Variants in DOCK11 observed in about 807,000 individuals in gnomAD.
DOCK11 encodes dedicator of cytokinesis protein 11.
Under a neutral mutation model 169.1 loss-of-function variants are expected in DOCK11, and 70 were observed. The observed-to-expected ratio is 0.41, with a 90% CI of 0.34 to 0.51. The LOEUF is 0.51. Among genes scored for constraint, DOCK11 ranks in the 20% least tolerant of loss-of-function variants. The probability of loss-of-function intolerance (pLI) is 0.10; values close to 1 mark genes in which losing one functional copy is unlikely to be tolerated. For synonymous variants in DOCK11, 529 were observed against 541.3 expected (o/e 0.98, Z 0.32); for missense variants, 1,166 against 1,538.8 (o/e 0.76, Z 4.05).
At chrX:118,561,639 C>A in intron 7 of DOCK11, 122 bp downstream of exon 7, 1 of 711,587 alleles carries the variant, frequency 1.4e-6, no homozygotes, top group East Asian at 3.8e-5. Flanking sequence ...GAGGCTGAGG[C>A]AGGAGGATCG....
At chrX:118,507,056 TTAA>T (rs1245216626) in intron 1 of DOCK11, among the ~76,000 whole-genome samples, 24 of 112,875 alleles carry the variant, frequency 2.1e-4, no homozygotes, top group Non-Finnish European at 1.7e-4. Context: ...AAATTTGCTA[TTAA>T]TGATTTCCTG....
At chrX:118,518,858 A>C (rs2057705430) in intron 1 of DOCK11, among the ~76,000 whole-genome samples, 1 of 111,797 alleles carries the variant, frequency 8.9e-6, no homozygotes, top group African/African-American at 3.3e-5. Flanking sequence ...GGGGAGGCTG[A>C]GCCTGTGTTG....
intron 1 of DOCK11, among the ~76,000 whole-genome samples, chrX:118,508,171 G>A (rs56787218): frequency 5.2e-4 from 58 of 111,073 alleles, no homozygotes; most frequent in African/African-American, 1.7e-3. Context: ...TTTGCAATTG[G>A]CCATCCCTCC....
intron 1 of DOCK11, among the ~76,000 whole-genome samples, chrX:118,504,590 A>T (rs758976103): frequency 8.9e-6 from 1 of 112,220 alleles, no homozygotes; most frequent in Non-Finnish European, 1.9e-5. Flanking sequence ...TTTATCATGG[A>T]AGGGGAGGCC....
intron 4 of DOCK11, among the ~76,000 whole-genome samples, chrX:118,544,526 C>A (rs2012164239): frequency 9.2e-6 from 1 of 108,689 alleles, no homozygotes; most frequent in Non-Finnish European, 1.9e-5. Context: ...AAAACTGAGT[C>A]CTATATGACA....
chrX:118,642,380 C>T (rs1046403559), intron 39 of DOCK11, among the ~76,000 whole-genome samples: 2 of 111,880 alleles, frequency 1.8e-5, no homozygotes, highest in African/African-American at 3.2e-5. Context: ...AATTGGATTG[C>T]GGTGGTCACC....
chrX:118,641,638 A>G, intron 39 of DOCK11, among the ~76,000 whole-genome samples: 1 of 111,592 alleles, frequency 9.0e-6, no homozygotes, highest in Middle Eastern at 4.7e-3. Flanking sequence ...TTGCCCAAAT[A>G]CCCATTGTGA....
chrX:118,600,400 C>CT (rs1185842874), intron 23 of DOCK11, among the ~76,000 whole-genome samples: 142 of 78,241 alleles, frequency 1.8e-3, no homozygotes, highest in South Asian at 6.2e-3. Context: ...GGTTTGTTTT[C>CT]TTTTTTTTTA....
chrX:118,621,145 C>T (rs1777954687), intron 31 of DOCK11, among the ~76,000 whole-genome samples: 1 of 112,669 alleles, frequency 8.9e-6, no homozygotes, highest in Non-Finnish European at 1.9e-5. Context: ...ATTACTCTTT[C>T]AATGACTTCT....
In DOCK11 at chrX:118,661,209, C is replaced by CA. The variant is rs752353678; in HGVS notation, c.4970-1460dup. ...AGGTGACGGGGTAACACTCTGTCTC[C>CA]AAAAAAAAAAAAAAAAAGTATTTCA... On this transcript the variant is annotated intron_variant, in intron 44 of 52. Transcript: ENST00000276202. 3.2e-3 allele frequency among the ~76,000 whole-genome samples: 220 copies of CA among 68,491 alleles called. 2 individuals are homozygous for CA. The highest frequency in any genetic ancestry group is 5.1e-3 in the Admixed American group (30 of 5,874). The allele number at this position is 68,491 out of a possible 115,157, so 59.5% of individuals were successfully genotyped here.
intron 40 of DOCK11, among the ~76,000 whole-genome samples, chrX:118,644,651 G>T (rs1028911376): frequency 7.2e-5 from 8 of 111,430 alleles, no homozygotes; most frequent in Non-Finnish European, 1.5e-4. Context: ...GACCTCTGGG[G>T]GTGAGCAGGA....
At chrX:118,665,066 A>G (rs773802093) in intron 45 of DOCK11, among the ~76,000 whole-genome samples, 1 of 111,886 alleles carries the variant, frequency 8.9e-6, no homozygotes, top group East Asian at 2.8e-4. Context: ...CTGTCTCCCT[A>G]TCAGTAAAAT....
chrX:118,569,091 C>CTTTTTTTTTTTTTTTTTTTTTTTTTTTT (rs1186200391), intron 10 of DOCK11, among the ~76,000 whole-genome samples: 1 of 44,991 alleles, frequency 2.2e-5, no homozygotes, highest in African/African-American at 7.8e-5. Flanking sequence ...TCTTTCTTTC[C>CTTTTTTTTTTTTTTTTTTTTTTTTTTTT]TTTTTTTTTT....
intron 14 of DOCK11, among the ~76,000 whole-genome samples, chrX:118,580,553 G>A (rs762175031): frequency 8.9e-6 from 1 of 111,931 alleles, no homozygotes; most frequent in South Asian, 3.7e-4. Context: ...CTGACCTCAG[G>A]CGATCCACCC....
intron 1 of DOCK11, among the ~76,000 whole-genome samples, chrX:118,531,209 A>G (rs974652159): frequency 3.7e-5 from 4 of 108,779 alleles, no homozygotes; most frequent in African/African-American, 1.3e-4. Flanking sequence ...TAATCCCAGC[A>G]CTTTGGGAGT....
Position 118,644,494 on chromosome X carries a change from G to C in DOCK11, c.4398+900G>C, listed in dbSNP as rs1053957329. Among the ~76,000 whole-genome samples, 6 of 111,973 alleles carry C rather than the reference G, an allele frequency of 5.4e-5. No homozygotes were observed. In the East Asian group the frequency reaches 1.7e-3, roughly 31 times the overall value. On this transcript the variant is annotated intron_variant, in intron 40 of 52. Transcript: ENST00000276202. Reference sequence around the variant, plus strand: ...CATGTTACAAAAACTAAGGGAAAGAGATTCAGAACTAATTCATTTAACAAA... The same window carrying C: ...CATGTTACAAAAACTAAGGGAAAGACATTCAGAACTAATTCATTTAACAAA...
intron 18 of DOCK11, among the ~76,000 whole-genome samples, chrX:118,588,828 G>C (rs184176023): frequency 1.8e-5 from 2 of 112,054 alleles, no homozygotes; most frequent in Non-Finnish European, 3.8e-5. Flanking sequence ...AACCTGAACA[G>C]GCTTTGAGCT....
intron 20 of DOCK11, among the ~76,000 whole-genome samples, chrX:118,594,167 C>G (rs1208119506): frequency 9.0e-6 from 1 of 111,441 alleles, no homozygotes; most frequent in African/African-American, 3.3e-5. Flanking sequence ...TCGTCATGGG[C>G]CCATTCAGCA....
intron 1 of DOCK11, among the ~76,000 whole-genome samples, chrX:118,523,433 A>C: frequency 1.8e-5 from 2 of 112,177 alleles, no homozygotes; most frequent in Non-Finnish European, 3.8e-5. Flanking sequence ...TTCCTAGGTA[A>C]GAAGATTTTA....
Sources: gnomAD v4.1 joint callset for allele counts (sites outside exome capture counted in the v4.1 genomes callset) on GRCh38, gnomAD v4.1.1 for gene constraint, MANE v1.5 for transcripts, NCBI Gene and HGNC (gene_info 2026-07-23, HGNC 2026-07-21) for gene names.